Variants in RBMS3 observed in about 807,000 individuals in gnomAD.
RBMS3 encodes RNA binding motif single stranded interacting protein 3.
A neutral mutation model predicts 66.8 loss-of-function variants in RBMS3; 27 were observed. The ratio of observed to expected loss-of-function variants is 0.40; its 90% CI spans 0.30 to 0.56. RBMS3 has a LOEUF of 0.56. Among genes scored for constraint, RBMS3 ranks in the 20% least tolerant of loss-of-function variants. RBMS3 has a pLI of 0.40. For missense variants in RBMS3, 513 were observed against 549.5 expected (o/e 0.93, Z 0.66); for synonymous variants, 188 against 183.0 (o/e 1.03, Z -0.22).
intron 6 of RBMS3, among the ~76,000 whole-genome samples, chr3:29,835,560 T>TA (rs1027600863): frequency 3.0e-4 from 45 of 151,562 alleles, no homozygotes; most frequent in African/African-American, 1.0e-3. Flanking sequence ...AAAAGATAAT[T>TA]AAAAAAATAT....
intron 5 of RBMS3, among the ~76,000 whole-genome samples, chr3:29,743,410 G>A (rs6771444): frequency 0.57 from 86,061 of 152,064 alleles, 25,134 homozygotes; most frequent in African/African-American, 0.71. Flanking sequence ...TATTACATGA[G>A]GATGTCTTGG....
chr3:29,513,329 C>T (rs58069091), intron 3 of RBMS3, among the ~76,000 whole-genome samples: 3,680 of 152,130 alleles, frequency 0.024, 147 homozygotes, highest in African/African-American at 0.083. Context: ...GGAATTGAGC[C>T]GAAGATATCA....
At chr3:29,542,020 C>CAAATATCAT (rs2045782805) in intron 3 of RBMS3, among the ~76,000 whole-genome samples, 1 of 152,168 alleles carries the variant, frequency 6.6e-6, no homozygotes, top group African/African-American at 2.4e-5. Context: ...AAAATTATCA[C>CAAATATCAT]AAATATATGT....
intron 2 of RBMS3, among the ~76,000 whole-genome samples, chr3:29,485,043 T>G (rs1409889413): frequency 6.6e-6 from 1 of 152,150 alleles, no homozygotes; most frequent in African/African-American, 2.4e-5. Flanking sequence ...TCCCACCAAT[T>G]TGATGTCTTC....
At chr3:29,360,442 T>G (rs1007145246) in intron 1 of RBMS3, among the ~76,000 whole-genome samples, 1 of 152,058 alleles carries the variant, frequency 6.6e-6, no homozygotes, top group Non-Finnish European at 1.5e-5. Context: ...TCTTTTACAT[T>G]TGCTGAGGAA....
chr3:29,829,411 C>T (rs1025547288), intron 6 of RBMS3, among the ~76,000 whole-genome samples: 4 of 152,132 alleles, frequency 2.6e-5, no homozygotes, highest in Non-Finnish European at 4.4e-5. Flanking sequence ...ATGTAAAACT[C>T]GCTGAACATA....
chr3:29,881,210 C>T (rs908086954), intron 7 of RBMS3, among the ~76,000 whole-genome samples: 26 of 152,056 alleles, frequency 1.7e-4, no homozygotes, highest in African/African-American at 5.8e-4. Flanking sequence ...TGTGGAAATT[C>T]TCCTCATCTT....
chr3:29,799,850 C>A (rs767513715), intron 6 of RBMS3, among the ~76,000 whole-genome samples: 1 of 152,152 alleles, frequency 6.6e-6, no homozygotes, highest in African/African-American at 2.4e-5. Flanking sequence ...GGTATAAAGG[C>A]ATCTCCACAT....
chr3:29,807,914 T>A (rs998685197), intron 6 of RBMS3, among the ~76,000 whole-genome samples: 1 of 151,854 alleles, frequency 6.6e-6, no homozygotes, highest in Non-Finnish European at 1.5e-5. Context: ...GAAATTTCAA[T>A]TTTTTCCCTT....
At chr3:29,643,359 G>A (rs1222658873) in intron 4 of RBMS3, among the ~76,000 whole-genome samples, 2 of 152,074 alleles carry the variant, frequency 1.3e-5, no homozygotes, top group African/African-American at 2.4e-5. Flanking sequence ...TGGCCTGCAC[G>A]GGCTTCATGA....
intron 2 of RBMS3, among the ~76,000 whole-genome samples, chr3:29,479,904 C>A (rs2043072754): frequency 6.6e-6 from 1 of 152,182 alleles, no homozygotes; most frequent in Admixed American, 6.5e-5. Context: ...GCAGATGTCA[C>A]ATCAGTTGAA....
chr3:29,884,469 T>TCTCTCTCCC (rs1553692501), intron 8 of RBMS3, among the ~76,000 whole-genome samples: 1 of 66,352 alleles, frequency 1.5e-5, no homozygotes, highest in African/African-American at 5.2e-5. Flanking sequence ...TCTCTCTCTC[T>TCTCTCTCCC]CCCCCCCCGC....
At chr3:29,739,926 T>G in intron 5 of RBMS3, 49 bp downstream of exon 5, 1 of 1,347,546 alleles carries the variant, frequency 7.4e-7, no homozygotes, top group Non-Finnish European at 9.7e-7. Context: ...TTGTTCCTTT[T>G]AAATTCCATT....
chr3:29,336,477 C>A (rs1180942245), intron 1 of RBMS3, among the ~76,000 whole-genome samples: 1 of 151,406 alleles, frequency 6.6e-6, no homozygotes, highest in Non-Finnish European at 1.5e-5. Context: ...AAACCATAAT[C>A]AACCTGTGAG....
At chr3:29,495,461 C>T (rs972982792) in intron 3 of RBMS3, among the ~76,000 whole-genome samples, 3 of 144,558 alleles carry the variant, frequency 2.1e-5, no homozygotes, top group Admixed American at 7.1e-5. Context: ...TCTTCTGTCA[C>T]CCAGGCTGGA....
At chr3:29,691,304 G>A (rs1174618582) in intron 4 of RBMS3, among the ~76,000 whole-genome samples, 1 of 152,110 alleles carries the variant, frequency 6.6e-6, no homozygotes, top group African/African-American at 2.4e-5. Flanking sequence ...GAAGAAAATT[G>A]ACTAAATAAT....
At chr3:29,376,946 G>T (rs749391965) in intron 1 of RBMS3, among the ~76,000 whole-genome samples, 4 of 150,710 alleles carry the variant, frequency 2.7e-5, no homozygotes, top group Non-Finnish European at 4.4e-5. Context: ...AAAATTAGCC[G>T]GACGTGGTGG....
chr3:29,281,833 A>G (rs907828788), intron 1 of RBMS3, 77 bp downstream of exon 1: 15 of 1,249,798 alleles, frequency 1.2e-5, no homozygotes, highest in African/African-American at 6.0e-5. Flanking sequence ...AGGCGTGTGA[A>G]TTATTAGTTA....
intron 3 of RBMS3, among the ~76,000 whole-genome samples, chr3:29,488,857 C>T (rs2043421938): frequency 6.6e-6 from 1 of 152,154 alleles, no homozygotes; most frequent in African/African-American, 2.4e-5. Flanking sequence ...CCATGCAAAA[C>T]ACATTTTAAT....
Sources: gnomAD v4.1 joint callset for allele counts (sites outside exome capture counted in the v4.1 genomes callset) on GRCh38, gnomAD v4.1.1 for gene constraint, MANE v1.5 for transcripts, NCBI Gene and HGNC (gene_info 2026-07-23, HGNC 2026-07-21) for gene names.